The following CSMD2 variants were observed in gnomAD, a reference collection of about 807,000 sequenced individuals.
The protein encoded by CSMD2 is CUB and Sushi multiple domains 2.
Under a neutral mutation model 398.5 loss-of-function variants are expected in CSMD2, and 130 were observed. The ratio of observed to expected loss-of-function variants is 0.33; its 90% CI spans 0.28 to 0.38. The LOEUF is 0.38. Among genes scored for constraint, CSMD2 ranks in the 10% least tolerant of loss-of-function variants. CSMD2 has a pLI of 1.00. For missense variants in CSMD2, 3,829 were observed against 4,764.9 expected, an observed-to-expected ratio of 0.80 and a Z score of 5.78; for synonymous variants, 1,828 against 1,908.5, an observed-to-expected ratio of 0.96 and a Z score of 1.10.
intron 3 of CSMD2, among the ~76,000 whole-genome samples, chr1:34,003,488 C>T (rs1426484260): frequency 6.6e-6 from 1 of 152,158 alleles, no homozygotes; most frequent in Non-Finnish European, 1.5e-5. Flanking sequence ...GGGATGATCC[C>T]TAATGGGTAA....
At chr1:33,586,983 A>T (rs1351346346) in intron 45 of CSMD2, 105 bp downstream of exon 45, 4 of 800,574 alleles carry the variant, frequency 5.0e-6, no homozygotes, top group South Asian at 1.8e-5. Context: ...CTCTCCACAG[A>T]CAGGAGCAGG....
rs190967953 is a variant in CSMD2, at chr1:33,700,624, T to C, written c.3626A>G (p.His1209Arg). The change falls in exon 23 of 71, where the codon CAT becomes CGT. Residue 1209 changes from histidine to arginine, a missense_variant. Physicochemically the swap from His to Arg is conservative, Grantham distance 29. Coordinates refer to ENST00000373381, the MANE Select transcript of CSMD2 (RefSeq NM_001281956.2). ...NSARLLGVFSHSEMMGVTLNS... is the reference protein window; with the variant it reads ...NSARLLGVFSRSEMMGVTLNS... ...CAAAGTCACCCCCATCATCTCAGAA[T>C]GGCTAAAAACTCCCAGCAAACGGGC... The C allele has an allele frequency of 6.2e-7, 1 of 1,614,194 alleles. No individual in the cohort carries two copies. Among genetic ancestry groups the C allele is most frequent in the East Asian group, 2.2e-5 (1 of 44,864 alleles).
At chr1:33,757,486 A>G (rs1375352401) in intron 13 of CSMD2, among the ~76,000 whole-genome samples, 2 of 152,060 alleles carry the variant, frequency 1.3e-5, no homozygotes, top group Non-Finnish European at 2.9e-5. Context: ...GCATTAACAA[A>G]TGACTCAGCC....
intron 3 of CSMD2, among the ~76,000 whole-genome samples, chr1:33,961,283 G>T (rs1301816549): frequency 6.6e-6 from 1 of 152,238 alleles, no homozygotes; most frequent in Non-Finnish European, 1.5e-5. Flanking sequence ...TTCAAGACCA[G>T]CCTGATCCCA....
intron 1 of CSMD2, among the ~76,000 whole-genome samples, chr1:34,161,752 A>C (rs1385254731): frequency 6.6e-6 from 1 of 152,188 alleles, no homozygotes; most frequent in African/African-American, 2.4e-5. Flanking sequence ...CCCTTTGAAG[A>C]GAAGTGACTA....
intron 3 of CSMD2, among the ~76,000 whole-genome samples, chr1:33,958,211 A>G (rs1645234455): frequency 6.6e-6 from 1 of 152,068 alleles, no homozygotes; most frequent in African/African-American, 2.4e-5. Context: ...CCTTGACTTG[A>G]TTACTTACCC....
At chr1:34,040,204 A>G (rs963474865) in intron 2 of CSMD2, among the ~76,000 whole-genome samples, 9 of 97,274 alleles carry the variant, frequency 9.3e-5, no homozygotes, top group Middle Eastern at 4.7e-3. Flanking sequence ...AAAAAAATTA[A>G]ATTAAAAAAA....
At chr1:33,573,980 G>A (rs1659835625) in intron 49 of CSMD2, among the ~76,000 whole-genome samples, 1 of 152,180 alleles carries the variant, frequency 6.6e-6, no homozygotes, top group African/African-American at 2.4e-5. Context: ...CCCATCAGCA[G>A]TGAGTGTTCA....
In CSMD2 at chr1:33,725,490, G is replaced by A. The variant is rs1339621969; in HGVS notation, c.2554C>T (p.Arg852Trp). The change falls in exon 17 of 71, where the codon CGG (arginine) becomes TGG (tryptophan). Residue 852 changes from arginine to tryptophan, a missense_variant. By Grantham distance (101) the Arg-to-Trp change is moderately radical. This residue lies in a region of CSMD2 where 2,001 missense variants were observed against 2,567.1 expected (regional missense o/e 0.78). Coordinates refer to ENST00000373381, the MANE Select transcript of CSMD2 (RefSeq NM_001281956.2). ...CCGATCAAGGGCGCTGAGTAAGTCC[G>A]CCCATCGCGTACTTCCAGGGTGTCA... The part of the protein sequence containing the change: ...NYDTLEVRDG[R>W]TYSAPLIGVY... 7.4e-6 allele frequency: 12 copies of A among 1,614,060 alleles called. No individual in the cohort carries two copies. The highest frequency in any genetic ancestry group is 6.7e-5 in the East Asian group (3 of 44,896).
Position 33,996,861 on chromosome 1 carries a change from A to G in CSMD2, c.517+35733T>C, listed in dbSNP as rs540183071. Among the ~76,000 whole-genome samples the G allele has an allele frequency of 2.0e-5, 3 of 152,262 alleles. No homozygotes were observed. In the South Asian group the frequency reaches 6.2e-4, roughly 32 times the overall value. On this transcript the variant is annotated intron_variant, in intron 3 of 70. Transcript: ENST00000373381. ...AGGAAGGTAAGCAGAAAGGAGAAAAAAGGGACCGGAAGAAGAAAGACAATA... is the reference window on the plus strand; with the variant it reads ...AGGAAGGTAAGCAGAAAGGAGAAAAGAGGGACCGGAAGAAGAAAGACAATA...
chr1:33,785,568 T>C (rs939567573), intron 12 of CSMD2, among the ~76,000 whole-genome samples: 1 of 152,186 alleles, frequency 6.6e-6, no homozygotes, highest in African/African-American at 2.4e-5. Flanking sequence ...GATGAAGTAA[T>C]GTCTTTCAAG....
At chr1:33,926,137 C>A (rs1270669492) in intron 4 of CSMD2, among the ~76,000 whole-genome samples, 1 of 152,150 alleles carries the variant, frequency 6.6e-6, no homozygotes, top group Admixed American at 6.5e-5. Context: ...AGAACAGAGG[C>A]CATGTCTGTT....
At chr1:34,152,278 C>G (rs1640398381) in intron 1 of CSMD2, among the ~76,000 whole-genome samples, 1 of 152,198 alleles carries the variant, frequency 6.6e-6, no homozygotes, top group Non-Finnish European at 1.5e-5. Flanking sequence ...GCTGTTTACC[C>G]TCCCTGGGAG....
At chr1:33,620,641 A>G (rs556792852) in intron 37 of CSMD2, among the ~76,000 whole-genome samples, 7 of 152,236 alleles carry the variant, frequency 4.6e-5, no homozygotes, top group African/African-American at 1.4e-4. Context: ...AAAACTGGAG[A>G]GAACAGAGAA....
chr1:33,590,646 C>CACACACACACA (rs1307956163), intron 44 of CSMD2, among the ~76,000 whole-genome samples: 1 of 141,156 alleles, frequency 7.1e-6, no homozygotes, highest in African/African-American at 2.6e-5. Flanking sequence ...TATACTCTTA[C>CACACACACACA]CACATTGATG....
In CSMD2 at chr1:34,133,035, A is replaced by C. The variant is rs77297182; in HGVS notation, c.187+31876T>G. 5.3e-3 allele frequency among the ~76,000 whole-genome samples: 808 copies of C among 151,282 alleles called. 11 individuals carry two copies. Among genetic ancestry groups the C allele is most frequent in the East Asian group, 0.051 (264 of 5,144 alleles). ...ATACAGCTTTCAAATTAATTCATTC[A>C]ATCACCAAACATTGGTTGGGCACCT... is the stretch of plus-strand genomic sequence containing the variant. On this transcript the variant is annotated intron_variant, in intron 1 of 70. Transcript: ENST00000373381.
chr1:33,867,654 C>G (rs1027485547), intron 5 of CSMD2, among the ~76,000 whole-genome samples: 1 of 152,250 alleles, frequency 6.6e-6, no homozygotes, highest in Non-Finnish European at 1.5e-5. Flanking sequence ...CTACCTTCCC[C>G]ATTTAATTTC....
At chr1:34,123,723 GA>G (rs538361483) in intron 1 of CSMD2, among the ~76,000 whole-genome samples, 156 of 151,580 alleles carry the variant, frequency 1.0e-3, no homozygotes, top group Non-Finnish European at 1.7e-3. Context: ...AATGTGTGGA[GA>G]AAAAAAACCC....
intron 3 of CSMD2, among the ~76,000 whole-genome samples, chr1:34,004,202 C>T (rs1646988632): frequency 6.6e-6 from 1 of 152,170 alleles, no homozygotes; most frequent in Admixed American, 6.5e-5. Context: ...CTTGTTGCCA[C>T]ATAAAAGAGA....
Sources: allele counts gnomAD v4.1 joint callset (sites outside exome capture counted in the v4.1 genomes callset), GRCh38; gene constraint gnomAD v4.1.1; regional missense constraint gnomAD v4.1.1; transcripts MANE v1.5; gene names NCBI Gene and HGNC (gene_info 2026-07-23, HGNC 2026-07-21).